The following SLC5A11 variants were observed in gnomAD, a reference collection of about 807,000 sequenced individuals.
SLC5A11 encodes the protein solute carrier family 5 member 11.
Under a neutral mutation model 69.8 loss-of-function variants are expected in SLC5A11, and 48 were observed. That is an observed-to-expected ratio of 0.69 (90% confidence interval 0.55 to 0.87). The LOEUF is 0.87. Ranked by LOEUF, SLC5A11 falls within the 40% of genes least tolerant of loss-of-function variation. The pLI is 0.00. For missense variants in SLC5A11, 784 were observed against 866.1 expected (o/e 0.91, Z 1.19); for synonymous variants, 319 against 342.4 (o/e 0.93, Z 0.75).
chr16:24,877,423 C>G, intron 7 of SLC5A11, 60 bp downstream of exon 8: 1 of 1,236,796 alleles, frequency 8.1e-7, no homozygotes, highest in Non-Finnish European at 1.2e-6. Flanking sequence ...GTGGGCCACT[C>G]TACCTTCTCC....
intron 1 of SLC5A11, among the ~76,000 whole-genome samples, chr16:24,849,572 C>CAAA (rs1182615959): frequency 9.9e-4 from 38 of 38,480 alleles, no homozygotes; most frequent in South Asian, 1.8e-3. Context: ...GCCTTGGGGG[C>CAAA]AAAAAAAAAA....
rs751138584 is a variant in SLC5A11, at chr16:24,872,142, CTG to C, written c.313-14_313-13del. On this transcript the variant is annotated splice_polypyrimidine_tract_variant and intron_variant, in intron 4 of 15. Transcript: ENST00000347898. ...TTGTGAGCTGGGGGCCAAGTCCTGA[CTG>C]TGTTTTCTTGAGCAGGGCTTGTTTT... 5.6e-6 allele frequency: 9 copies of C among 1,613,982 alleles called. No homozygotes were observed. In the South Asian group the frequency reaches 8.8e-5, roughly 16 times the overall value.
chr16:24,907,705 T>TC (rs2152420792), intron 12 of SLC5A11, among the ~76,000 whole-genome samples: 1 of 98,640 alleles, frequency 1.0e-5, no homozygotes, highest in African/African-American at 4.7e-5. Flanking sequence ...AGACTCTGTC[T>TC]CAAAAAAAAA....
Position 24,860,959 on chromosome 16 carries a change from G to A in SLC5A11, c.136-1642G>A, listed in dbSNP as rs1043665885. Reference sequence around the variant, plus strand: ...CCTGACCTCGTGATCCGCCTGCCTCGGCCTCCCAAAGTGCTGGGATTACAG... The same window carrying A: ...CCTGACCTCGTGATCCGCCTGCCTCAGCCTCCCAAAGTGCTGGGATTACAG... On this transcript the variant is annotated intron_variant, in intron 2 of 15. Coordinates refer to ENST00000347898, the Ensembl canonical transcript of SLC5A11. Among the ~76,000 whole-genome samples the A allele has an allele frequency of 5.9e-5, 9 of 151,988 alleles. 1 individual carries two copies. The highest frequency in any genetic ancestry group is 1.3e-4 in the Admixed American group (2 of 15,272).
At chr16:24,856,536 G>A (rs1024677927) in intron 1 of SLC5A11, among the ~76,000 whole-genome samples, 1 of 147,494 alleles carries the variant, frequency 6.8e-6, no homozygotes, top group Admixed American at 6.9e-5. Flanking sequence ...GGTGGATCAC[G>A]AGGTCAGGAG....
chr16:24,896,210 A>G (rs2049154611), intron 9 of SLC5A11, among the ~76,000 whole-genome samples: 1 of 152,026 alleles, frequency 6.6e-6, no homozygotes, highest in Non-Finnish European at 1.5e-5. Context: ...AATTAAACAT[A>G]AAATGTAGCC....
At chr16:24,873,622 C>CACTG (rs1460875386) in intron 5 of SLC5A11, among the ~76,000 whole-genome samples, 1 of 151,206 alleles carries the variant, frequency 6.6e-6, no homozygotes, top group African/African-American at 2.4e-5. Flanking sequence ...ATGATTGTAC[C>CACTG]ACTGCACTCC....
At chr16:24,906,016 G>A (rs2050031792) in intron 10 of SLC5A11, among the ~76,000 whole-genome samples, 1 of 152,110 alleles carries the variant, frequency 6.6e-6, no homozygotes. Flanking sequence ...GCATCAGAGG[G>A]TGTGAAGCAT....
intron 8 of SLC5A11, among the ~76,000 whole-genome samples, chr16:24,885,882 A>G (rs1183545364): frequency 6.6e-6 from 1 of 152,092 alleles, no homozygotes; most frequent in East Asian, 1.9e-4. Flanking sequence ...GGGAGAATAG[A>G]AGCGGATAAA....
chr16:24,864,321 T>C (rs1385380749), intron 3 of SLC5A11, among the ~76,000 whole-genome samples: 6 of 152,146 alleles, frequency 3.9e-5, no homozygotes, highest in Admixed American at 3.3e-4. Flanking sequence ...GGGAAAATTA[T>C]TGGTTTCAGG....
exon 16 of SLC5A11, chr16:24,911,420 G>A (rs2050517871): frequency 1.2e-6 from 2 of 1,613,968 alleles, no homozygotes; most frequent in African/African-American, 1.3e-5. Flanking sequence ...CCCGGCCAGA[G>A]CAGAAGCCAT....
chr16:24,848,840 A>G (rs1216255317), intron 1 of SLC5A11, among the ~76,000 whole-genome samples: 4 of 152,170 alleles, frequency 2.6e-5, no homozygotes, highest in African/African-American at 9.6e-5. Flanking sequence ...GGAAGAATGG[A>G]TATCGGGGAG....
At chr16:24,859,709 T>C (rs2059679954) in intron 2 of SLC5A11, among the ~76,000 whole-genome samples, 1 of 152,260 alleles carries the variant, frequency 6.6e-6, no homozygotes, top group Admixed American at 6.5e-5. Context: ...TAGATATCTT[T>C]TCACATTAGC....
intron 10 of SLC5A11, among the ~76,000 whole-genome samples, chr16:24,898,895 C>A (rs916591303): frequency 6.6e-6 from 1 of 152,014 alleles, no homozygotes; most frequent in Non-Finnish European, 1.5e-5. Flanking sequence ...TAGCTCACTG[C>A]AGCCTCAGAC....
chr16:24,851,753 G>A (rs919374726), intron 1 of SLC5A11, among the ~76,000 whole-genome samples: 6 of 152,048 alleles, frequency 3.9e-5, no homozygotes, highest in Admixed American at 2.6e-4. Flanking sequence ...ACCTCATTTC[G>A]TAGATGGGAA....
intron 1 of SLC5A11, 53 bp from the exon 3 acceptor site, chr16:24,858,567 T>A: frequency 6.6e-7 from 1 of 1,508,094 alleles, no homozygotes; most frequent in East Asian, 2.3e-5. Flanking sequence ...ACAGAAAGGG[T>A]GAGAAGAATG....
intron 9 of SLC5A11, among the ~76,000 whole-genome samples, chr16:24,897,283 TG>T (rs2152390483): frequency 6.6e-6 from 1 of 152,160 alleles, no homozygotes; most frequent in South Asian, 2.1e-4. Flanking sequence ...AGAAGTTCCA[TG>T]GAGAGCTGTG....
intron 10 of SLC5A11, among the ~76,000 whole-genome samples, chr16:24,903,900 A>C (rs1181280569): frequency 6.6e-6 from 1 of 152,212 alleles, no homozygotes; most frequent in African/African-American, 2.4e-5. Context: ...TGCTATGAAG[A>C]TATTACCTGA....
chr16:24,910,832 G>A (rs2050462014), intron 15 of SLC5A11, among the ~76,000 whole-genome samples: 1 of 152,048 alleles, frequency 6.6e-6, no homozygotes, highest in African/African-American at 2.4e-5. Context: ...TTTTGGCTTA[G>A]CCCACCTACA....
Sources: gnomAD v4.1 joint callset for allele counts (sites outside exome capture counted in the v4.1 genomes callset) on GRCh38, gnomAD v4.1.1 for gene constraint, MANE v1.5 for transcripts, NCBI Gene and HGNC (gene_info 2026-07-23, HGNC 2026-07-21) for gene names.